GPC5: variants seen among roughly 807,000 people sequenced by gnomAD.
GPC5 encodes glypican-5.
GPC5 carries 47 observed loss-of-function variants against 53.9 expected under a neutral mutation model. The ratio of observed to expected loss-of-function variants is 0.87; its 90% CI spans 0.69 to 1.11. The LOEUF (loss-of-function observed/expected upper bound fraction) is 1.11. Among genes scored for constraint, GPC5 ranks in the 50% most tolerant of loss-of-function variants. The pLI, the probability that GPC5 is intolerant of heterozygous loss-of-function variation, is 0.00. For synonymous variants in GPC5, 286 were observed against 263.3 expected, an observed-to-expected ratio of 1.09 and a Z score of -0.84; for missense variants, 748 against 713.1, an observed-to-expected ratio of 1.05 and a Z score of -0.56.
intron 7 of GPC5, among the ~76,000 whole-genome samples, chr13:92,651,499 G>A (rs1019290506): frequency 6.6e-6 from 1 of 152,030 alleles, no homozygotes; most frequent in Non-Finnish European, 1.5e-5. Context: ...AACTATCACG[G>A]TCATCAATAA....
chr13:92,838,295 T>C (rs1204886204), intron 7 of GPC5, among the ~76,000 whole-genome samples: 1 of 151,058 alleles, frequency 6.6e-6, no homozygotes, highest in Admixed American at 6.6e-5. Flanking sequence ...CCATCCTGGC[T>C]AACACCGTGA....
intron 7 of GPC5, among the ~76,000 whole-genome samples, chr13:92,525,071 A>G (rs1216994260): frequency 6.6e-6 from 1 of 152,066 alleles, no homozygotes; most frequent in African/African-American, 2.4e-5. Flanking sequence ...AGTGATTATT[A>G]AAGCAGCTAT....
intron 6 of GPC5, among the ~76,000 whole-genome samples, chr13:92,109,373 A>C (rs2041538223): frequency 6.6e-6 from 1 of 152,060 alleles, no homozygotes; most frequent in South Asian, 2.1e-4. Flanking sequence ...GTCTCCATCA[A>C]CACATCTATC....
chr13:92,541,147 G>GA (rs1290036276), intron 7 of GPC5, among the ~76,000 whole-genome samples: 1 of 151,684 alleles, frequency 6.6e-6, no homozygotes, highest in Non-Finnish European at 1.5e-5. Context: ...TAAATAAATA[G>GA]AAAAAATGTA....
intron 6 of GPC5, among the ~76,000 whole-genome samples, chr13:91,965,177 A>G (rs2040169277): frequency 6.6e-6 from 1 of 152,112 alleles, no homozygotes; most frequent in African/African-American, 2.4e-5. Flanking sequence ...GCAAATGTAT[A>G]CATGTGTAAA....
chr13:91,819,522 T>C (rs1258929948), intron 5 of GPC5, among the ~76,000 whole-genome samples: 4 of 152,178 alleles, frequency 2.6e-5, no homozygotes, highest in Non-Finnish European at 5.9e-5. Context: ...ATATAGATTA[T>C]TTTGTTTCTG....
At chr13:92,468,643 T>C (rs917045784) in intron 7 of GPC5, among the ~76,000 whole-genome samples, 1 of 152,124 alleles carries the variant, frequency 6.6e-6, no homozygotes, top group Non-Finnish European at 1.5e-5. Context: ...CATTTTTATA[T>C]CACGTTTTTG....
chr13:91,418,083 T>C (rs1205693965), intron 1 of GPC5, among the ~76,000 whole-genome samples: 3 of 152,156 alleles, frequency 2.0e-5, no homozygotes, highest in Admixed American at 2.0e-4. Flanking sequence ...CTTTGTGCAA[T>C]GTGTCCACAC....
intron 4 of GPC5, among the ~76,000 whole-genome samples, chr13:91,737,985 C>T (rs1308297397): frequency 6.6e-6 from 1 of 151,380 alleles, no homozygotes; most frequent in Admixed American, 6.6e-5. Context: ...GTAATTGAAG[C>T]TTATATAGCA....
intron 7 of GPC5, among the ~76,000 whole-genome samples, chr13:92,342,705 A>C (rs1168216030): frequency 1.3e-5 from 2 of 152,102 alleles, no homozygotes; most frequent in Non-Finnish European, 2.9e-5. Flanking sequence ...GACAATCATA[A>C]ATGATTCCTT....
intron 4 of GPC5, among the ~76,000 whole-genome samples, chr13:91,734,779 C>T (rs1385143931): frequency 6.6e-6 from 1 of 151,170 alleles, no homozygotes; most frequent in Non-Finnish European, 1.5e-5. Flanking sequence ...TCATTGGTCT[C>T]TTTTTAAATT....
chr13:92,011,905 A>G lies in GPC5; in HGVS notation c.1401+103848A>G, dbSNP rs1384626869. 2.0e-5 allele frequency among the ~76,000 whole-genome samples: 3 copies of G among 152,192 alleles called. No individual in the cohort carries two copies. The East Asian group carries it at 5.8e-4, about 29-fold the overall frequency. On this transcript the variant is annotated intron_variant, in intron 6 of 7. Coordinates refer to ENST00000377067, the MANE Select transcript of GPC5 (RefSeq NM_004466.6). ...TGTTCACAGGTCAGTGCTCACATTGATAATGATTTTTAAAAGTCAGACTTA... is the reference window on the plus strand; with the variant it reads ...TGTTCACAGGTCAGTGCTCACATTGGTAATGATTTTTAAAAGTCAGACTTA...
At chr13:92,130,283 AAG>A (rs1354500508) in intron 6 of GPC5, among the ~76,000 whole-genome samples, 1 of 152,096 alleles carries the variant, frequency 6.6e-6, no homozygotes, top group Non-Finnish European at 1.5e-5. Context: ...TCTTCGGACT[AAG>A]AAAAAATTAT....
At chr13:91,529,565 G>C (rs1886242748) in intron 2 of GPC5, among the ~76,000 whole-genome samples, 2 of 152,198 alleles carry the variant, frequency 1.3e-5, no homozygotes, top group South Asian at 4.1e-4. Context: ...CAAGTAGTTT[G>C]CCATTGTGCC....
chr13:92,565,650 C>A (rs554179367), intron 7 of GPC5, among the ~76,000 whole-genome samples: 1 of 152,154 alleles, frequency 6.6e-6, no homozygotes, highest in African/African-American at 2.4e-5. Context: ...TTGGTTAGAG[C>A]ACAGAGTTGT....
intron 6 of GPC5, among the ~76,000 whole-genome samples, chr13:92,118,056 A>G (rs915559795): frequency 2.0e-5 from 3 of 152,148 alleles, no homozygotes; most frequent in African/African-American, 7.2e-5. Flanking sequence ...AGTCGCCATT[A>G]AGTGTAATTT....
chr13:92,575,272 G>T (rs931208802), intron 7 of GPC5, among the ~76,000 whole-genome samples: 1 of 151,974 alleles, frequency 6.6e-6, no homozygotes, highest in Non-Finnish European at 1.5e-5. Flanking sequence ...AGCTCAAAAG[G>T]AGACCATCCT....
Position 92,653,448 on chromosome 13 carries a change from C to T in GPC5, c.1562-212834C>T, listed in dbSNP as rs535061456. On this transcript the variant is annotated intron_variant, in intron 7 of 7. Transcript: ENST00000377067. Reference sequence around the variant, plus strand: ...GAAGATACGGATGGGCTGCAGACAGCATCTGCTAAAATGTCTTTTTTTCAA... The same window carrying T: ...GAAGATACGGATGGGCTGCAGACAGTATCTGCTAAAATGTCTTTTTTTCAA... Among the ~76,000 whole-genome samples the T allele has an allele frequency of 5.3e-5, 8 of 152,312 alleles. No individual in the cohort carries two copies. In the South Asian group the frequency reaches 1.7e-3, roughly 32 times the overall value.
At chr13:91,679,577 A>G (rs566350466) in intron 2 of GPC5, among the ~76,000 whole-genome samples, 5 of 152,284 alleles carry the variant, frequency 3.3e-5, no homozygotes, top group African/African-American at 1.2e-4. Flanking sequence ...TTTCCTCTGT[A>G]TTTGCATTTG....
Sources: allele counts gnomAD v4.1 joint callset (sites outside exome capture counted in the v4.1 genomes callset), GRCh38; gene constraint gnomAD v4.1.1; transcripts MANE v1.5; gene names NCBI Gene and HGNC (gene_info 2026-07-23, HGNC 2026-07-21).